The following PCCA variants were observed in gnomAD, a reference collection of about 807,000 sequenced individuals.
PCCA encodes the protein propionyl-CoA carboxylase subunit alpha.
PCCA carries 74 observed loss-of-function variants against 101.3 expected under a neutral mutation model. The observed-to-expected ratio is 0.73, with a 90% CI of 0.61 to 0.89. The LOEUF is 0.89. Ranked by LOEUF, PCCA falls within the 40% of genes least tolerant of loss-of-function variation. The probability of loss-of-function intolerance (pLI) is 0.00; values close to 1 mark genes in which losing one functional copy is unlikely to be tolerated. For synonymous variants in PCCA, 294 were observed against 313.6 expected (o/e 0.94, Z 0.66); for missense variants, 891 against 907.0 (o/e 0.98, Z 0.23).
intron 21 of PCCA, among the ~76,000 whole-genome samples, chr13:100,489,343 TC>T (rs1437986640): frequency 1.5e-4 from 23 of 152,162 alleles, no homozygotes; most frequent in Admixed American, 1.5e-3. Context: ...ACAGCCATGC[TC>T]ATTCCTGTAT....
intron 16 of PCCA, among the ~76,000 whole-genome samples, chr13:100,330,281 G>A (rs976804773): frequency 6.6e-6 from 1 of 152,170 alleles, no homozygotes; most frequent in Non-Finnish European, 1.5e-5. Flanking sequence ...TAGTTTTAAT[G>A]ATTTAAAATT....
intron 22 of PCCA, among the ~76,000 whole-genome samples, chr13:100,524,374 C>CGTGT (rs1210676697): frequency 0.36 from 50,190 of 138,956 alleles, 9,225 homozygotes; most frequent in Non-Finnish European, 0.42. Flanking sequence ...CAATTAAGCT[C>CGTGT]GTGTGTGTGT....
intron 6 of PCCA, among the ~76,000 whole-genome samples, chr13:100,157,836 G>A (rs1419452878): frequency 6.6e-6 from 1 of 151,876 alleles, no homozygotes; most frequent in Non-Finnish European, 1.5e-5. Context: ...AGATGGTACT[G>A]AAACCTTATT....
chr13:100,308,350 G>A (rs2066628320), intron 15 of PCCA, among the ~76,000 whole-genome samples: 1 of 151,198 alleles, frequency 6.6e-6, no homozygotes, highest in African/African-American at 2.4e-5. Flanking sequence ...TTTGGGATAG[G>A]GTCTCCCTTT....
chr13:100,521,363 C>T (rs561879266), intron 22 of PCCA, among the ~76,000 whole-genome samples: 2 of 152,290 alleles, frequency 1.3e-5, no homozygotes, highest in Non-Finnish European at 1.5e-5. Context: ...TGGGTTCCCG[C>T]GCCCTCCAGA....
chr13:100,515,712 T>C, intron 22 of PCCA, 145 bp downstream of exon 22: 2 of 928,156 alleles, frequency 2.2e-6, no homozygotes, highest in Non-Finnish European at 3.4e-6. Flanking sequence ...ATTGCGTGTG[T>C]TGTCGACCTG....
At position 100,290,694 on chromosome 13, in the gene PCCA, A is replaced by G. The variant is rs138426486; in HGVS notation, c.1066-10766A>G. Among the ~76,000 whole-genome samples the G allele has an allele frequency of 2.3e-3, 346 of 152,206 alleles. 1 individual carries two copies. Among genetic ancestry groups the G allele is most frequent in the African/African-American group, 8.0e-3 (333 of 41,538 alleles). ...TATTTAACTATTTCCTTCCATCAGC[A>G]ATTTTCTCCTCCTTGTGGAACTTCT... On this transcript the variant is annotated intron_variant, in intron 12 of 23. Coordinates refer to ENST00000376285, the MANE Select transcript of PCCA (RefSeq NM_000282.4).
At chr13:100,380,079 A>G (rs917890070) in intron 19 of PCCA, among the ~76,000 whole-genome samples, 2 of 152,044 alleles carry the variant, frequency 1.3e-5, no homozygotes, top group Non-Finnish European at 2.9e-5. Context: ...ACAAAAAAAC[A>G]CGCCAGTCAC....
intron 19 of PCCA, among the ~76,000 whole-genome samples, chr13:100,376,843 A>G (rs2075939948): frequency 6.6e-6 from 1 of 152,022 alleles, no homozygotes; most frequent in South Asian, 2.1e-4. Context: ...TCCAGGCACC[A>G]CTGGGGTATG....
At chr13:100,098,391 G>A (rs151115075) in intron 1 of PCCA, among the ~76,000 whole-genome samples, 272 of 152,114 alleles carry the variant, frequency 1.8e-3, no homozygotes, top group Non-Finnish European at 3.3e-3. Flanking sequence ...AATGTGGCTC[G>A]TGGCTGCCAT....
rs1258776476 is a variant in PCCA, at chr13:100,348,819, T to TTCCTTCCTTCCTTCCTTC, written c.1643+8560_1643+8561insTCCTTCCTTCCTTCCTTC. Among the ~76,000 whole-genome samples, 167 of 53,400 alleles carry TTCCTTCCTTCCTTCCTTC rather than the reference T, an allele frequency of 3.1e-3. 5 individuals carry two copies. The highest frequency in any genetic ancestry group is 4.2e-3 in the South Asian group (8 of 1,914). The allele number at this position is 53,400 out of a possible 152,430, so 35.0% of individuals were successfully genotyped here. A position where few individuals can be genotyped will look rare whatever the true frequency, so the allele number is the denominator to read the frequency against. On this transcript the variant is annotated intron_variant, in intron 18 of 23. Coordinates refer to ENST00000376285, the MANE Select transcript of PCCA (RefSeq NM_000282.4). ...TCCTTCCTTCCTTCCTTCCTTCCTTTCTTTCTTTTCTCTCTCTTTTTCTCT... is the reference window on the plus strand; with the variant it reads ...TCCTTCCTTCCTTCCTTCCTTCCTTTTCCTTCCTTCCTTCCTTCCTTTCTTTTCTCTCTCTTTTTCTCT...
chr13:100,331,449 C>G (rs943056107), intron 17 of PCCA, among the ~76,000 whole-genome samples: 8 of 152,104 alleles, frequency 5.3e-5, no homozygotes, highest in African/African-American at 1.7e-4. Flanking sequence ...TAAAATGACT[C>G]ACATTCATAT....
At chr13:100,412,330 A>G (rs2078105251) in intron 19 of PCCA, among the ~76,000 whole-genome samples, 4 of 152,224 alleles carry the variant, frequency 2.6e-5, no homozygotes, top group Admixed American at 2.0e-4. Flanking sequence ...ACATCATAAA[A>G]TGTATTCTTT....
chr13:100,324,843 T>C (rs952162756), intron 16 of PCCA, among the ~76,000 whole-genome samples: 9 of 152,178 alleles, frequency 5.9e-5, no homozygotes, highest in African/African-American at 7.2e-5. Context: ...CTCCAGTAAA[T>C]TGCATATGGC....
intron 6 of PCCA, among the ~76,000 whole-genome samples, chr13:100,169,001 C>A (rs1052157300): frequency 6.6e-6 from 1 of 152,136 alleles, no homozygotes; most frequent in East Asian, 1.9e-4. Context: ...CAGTGTTTTA[C>A]AGACTGACAT....
intron 19 of PCCA, among the ~76,000 whole-genome samples, chr13:100,411,318 C>T (rs963166481): frequency 6.6e-6 from 1 of 151,658 alleles, no homozygotes; most frequent in East Asian, 1.9e-4. Flanking sequence ...CTCTGCCTCC[C>T]AGGTTCAAGT....
chr13:100,399,937 G>C (rs913791369), intron 19 of PCCA, among the ~76,000 whole-genome samples: 1 of 152,200 alleles, frequency 6.6e-6, no homozygotes, highest in African/African-American at 2.4e-5. Context: ...ATAAAAAGGA[G>C]ATAACAATCA....
At chr13:100,164,146 T>G (rs2054792031) in intron 6 of PCCA, among the ~76,000 whole-genome samples, 1 of 152,204 alleles carries the variant, frequency 6.6e-6, no homozygotes, top group African/African-American at 2.4e-5. Context: ...AATTGATCTG[T>G]CAAATTTAAA....
intron 7 of PCCA, among the ~76,000 whole-genome samples, chr13:100,226,163 C>T (rs997354643): frequency 2.4e-4 from 36 of 152,168 alleles, no homozygotes; most frequent in African/African-American, 6.8e-4. Context: ...TATGTGGAAG[C>T]TAGAAAGCCA....
Sources: allele counts gnomAD v4.1 joint callset (sites outside exome capture counted in the v4.1 genomes callset), GRCh38; gene constraint gnomAD v4.1.1; transcripts MANE v1.5; gene names NCBI Gene and HGNC (gene_info 2026-07-23, HGNC 2026-07-21).